The following DOCK8 variants were observed in gnomAD, a reference collection of about 807,000 sequenced individuals.
The protein encoded by DOCK8 is dedicator of cytokinesis 8.
In DOCK8, 141 loss-of-function variants were observed where a neutral mutation model predicts 245.6. The ratio of observed to expected loss-of-function variants is 0.57; its 90% CI spans 0.50 to 0.66. The LOEUF is 0.66. DOCK8 is among the 30% of genes least tolerant of loss of function. The pLI is 0.00. For synonymous variants in DOCK8, 1,168 were observed against 970.2 expected (o/e 1.20, Z -3.79); for missense variants, 2,965 against 2,603.4 (o/e 1.14, Z -3.02).
intron 5 of DOCK8, among the ~76,000 whole-genome samples, chr9:308,786 T>C (rs1433979354): frequency 1.3e-5 from 2 of 152,120 alleles, no homozygotes; most frequent in African/African-American, 4.8e-5. Flanking sequence ...GCCTCCCGAG[T>C]AGCTGGGACT....
intron 9 of DOCK8, among the ~76,000 whole-genome samples, chr9:331,268 T>TA (rs944235856): frequency 1.3e-5 from 2 of 152,210 alleles, no homozygotes; most frequent in Non-Finnish European, 2.9e-5. Context: ...GCTCAAGTGT[T>TA]ACGTGCTTAT....
chr9:401,770 C>T (rs1387816324), intron 26 of DOCK8, among the ~76,000 whole-genome samples: 1 of 152,174 alleles, frequency 6.6e-6, no homozygotes, highest in African/African-American at 2.4e-5. Context: ...AAGAAAAAGA[C>T]ATGACTTTTC....
At chr9:347,743 A>G (rs1420058500) in intron 14 of DOCK8, among the ~76,000 whole-genome samples, 3 of 152,242 alleles carry the variant, frequency 2.0e-5, no homozygotes, top group Non-Finnish European at 2.9e-5. Context: ...ATAATAAATC[A>G]GGAACACAAT....
intron 2 of DOCK8, among the ~76,000 whole-genome samples, chr9:275,370 T>C (rs554544055): frequency 6.6e-6 from 1 of 152,266 alleles, no homozygotes; most frequent in Admixed American, 6.5e-5. Context: ...GAGAAAAGGA[T>C]ACATGATGTG....
chr9:395,852 CA>C (rs1043800629), intron 24 of DOCK8, among the ~76,000 whole-genome samples: 1 of 152,000 alleles, frequency 6.6e-6, no homozygotes, highest in Non-Finnish European at 1.5e-5. Flanking sequence ...CCAATTGACA[CA>C]AGGATATCTA....
chr9:363,245 C>T (rs1386083686), intron 14 of DOCK8, among the ~76,000 whole-genome samples: 2 of 152,194 alleles, frequency 1.3e-5, no homozygotes, highest in African/African-American at 4.8e-5. Flanking sequence ...ATGCCTGGCA[C>T]ATACACTGGA....
chr9:287,039 C>T (rs1325081501), intron 3 of DOCK8, among the ~76,000 whole-genome samples: 2 of 152,122 alleles, frequency 1.3e-5, no homozygotes, highest in African/African-American at 2.4e-5. Context: ...TGCCACCATC[C>T]AGAAGCATTT....
chr9:424,553 G>C (rs948310858), intron 33 of DOCK8, among the ~76,000 whole-genome samples: 1 of 152,046 alleles, frequency 6.6e-6, no homozygotes, highest in Non-Finnish European at 1.5e-5. Flanking sequence ...GGGACTACAG[G>C]TGTGTACCAC....
intron 1 of DOCK8, among the ~76,000 whole-genome samples, chr9:235,881 C>G (rs186452315): frequency 6.6e-6 from 1 of 152,210 alleles, no homozygotes; most frequent in African/African-American, 2.4e-5. Flanking sequence ...CCTGCTTCGG[C>G]TCACGCATGT....
chr9:259,920 C>G (rs1346242790), intron 1 of DOCK8, among the ~76,000 whole-genome samples: 2 of 152,234 alleles, frequency 1.3e-5, no homozygotes, highest in African/African-American at 2.4e-5. Flanking sequence ...GGAATGACCA[C>G]TGGTGCTCAG....
rs2057154348 is a variant in DOCK8, at chr9:443,444, T to C, written c.5508T>C (p.Cys1836=). The change falls in exon 43 of 48, where the codon TGT becomes TGC. Residue 1836 remains cysteine (C), a synonymous_variant. Transcript: ENST00000432829. ...TTACCTAGGCATTTTATGGTCAATG[T>C]TTTGGTGCAGAATTTGTGGAAGTGA... The part of the protein sequence containing the change: ...SHRLEAFYGQ[C]FGAEFVEVIK... 5 of 1,613,982 alleles carry C rather than the reference T, an allele frequency of 3.1e-6. No homozygotes were observed. The African/African-American group carries it at 4.0e-5, about 13-fold the overall frequency.
chr9:397,964 G>A (rs528961783), intron 25 of DOCK8, among the ~76,000 whole-genome samples: 32 of 152,144 alleles, frequency 2.1e-4, no homozygotes, highest in Non-Finnish European at 4.4e-4. Flanking sequence ...ATATAAAATG[G>A]AATAAATCAA....
At chr9:388,285 A>G (rs992786221) in intron 23 of DOCK8, among the ~76,000 whole-genome samples, 1 of 152,204 alleles carries the variant, frequency 6.6e-6, no homozygotes, top group African/African-American at 2.4e-5. Context: ...CAGACTCACA[A>G]CAGCAAACAA....
intron 7 of DOCK8, among the ~76,000 whole-genome samples, chr9:325,393 ACT>A (rs2130804982): frequency 6.6e-6 from 1 of 152,258 alleles, no homozygotes; most frequent in South Asian, 2.1e-4. Flanking sequence ...CATTCAGCCC[ACT>A]CTCTCTTGCA....
chr9:370,024 A>G (rs532414447), intron 15 of DOCK8: 75 of 605,866 alleles, frequency 1.2e-4, no homozygotes, highest in Admixed American at 3.5e-4. Flanking sequence ...GCTGGTCTCC[A>G]ACTCCTGGGC....
At chr9:412,840 A>G (rs566612705) in intron 28 of DOCK8, among the ~76,000 whole-genome samples, 15 of 151,914 alleles carry the variant, frequency 9.9e-5, no homozygotes, top group Admixed American at 7.9e-4. Flanking sequence ...ATTGATCCAT[A>G]GATTAAATGC....
chr9:462,759 A>G (rs7869992), intron 46 of DOCK8, among the ~76,000 whole-genome samples: 95,869 of 152,144 alleles, frequency 0.63, 33,243 homozygotes, highest in East Asian at 0.95. Context: ...TTCCATATGT[A>G]CGTAGCAGGA....
chr9:291,931 A>T (rs1013801701), intron 4 of DOCK8, among the ~76,000 whole-genome samples: 1 of 151,750 alleles, frequency 6.6e-6, no homozygotes, highest in Middle Eastern at 3.4e-3. Flanking sequence ...TTAACTGGAT[A>T]TGATGACATG....
chr9:418,916 C>CTT (rs931057420), intron 30 of DOCK8, among the ~76,000 whole-genome samples: 5 of 151,876 alleles, frequency 3.3e-5, no homozygotes, highest in African/African-American at 1.2e-4. Flanking sequence ...AGGCTGGTAG[C>CTT]TTAGCGTAAG....
Sources: gnomAD v4.1 joint callset for allele counts (sites outside exome capture counted in the v4.1 genomes callset) on GRCh38, gnomAD v4.1.1 for gene constraint, MANE v1.5 for transcripts, NCBI Gene and HGNC (gene_info 2026-07-23, HGNC 2026-07-21) for gene names.